MBD3: variants seen among roughly 807,000 people sequenced by gnomAD.
MBD3 encodes the protein methyl-CpG binding domain protein 3, also known as methyl-CpG-binding domain protein 3.
In MBD3, 13 loss-of-function variants were observed where a neutral mutation model predicts 31.2. That is an observed-to-expected ratio of 0.42 (90% confidence interval 0.27 to 0.66). The LOEUF (loss-of-function observed/expected upper bound fraction) is 0.66, where lower values mean the gene tolerates loss of function less well. MBD3 is among the 30% of genes least tolerant of loss of function. MBD3 has a pLI of 0.26. For synonymous variants in MBD3, 223 were observed against 187.4 expected (o/e 1.19, Z -1.55); for missense variants, 440 against 426.5 (o/e 1.03, Z -0.28).
chr19:1,576,412 T>C lies in MBD3; in HGVS notation c.*1752A>G, dbSNP rs1209332677. 2 of 152,074 alleles carry C rather than the reference T, an allele frequency of 1.3e-5. No individual in the cohort carries two copies. Among genetic ancestry groups the C allele is most frequent in the African/African-American group, 4.8e-5 (2 of 41,400 alleles). 9.4% of individuals were successfully genotyped at this position (152,074 alleles called of 1,614,324 possible). ...GCTGGGTCTGAGCCCCAGCCCATCT[T>C]CCTCACCGGGGCAGCAGGGCCAAGA... On this transcript the variant is annotated 3_prime_UTR_variant, in exon 7 of 7. Transcript: ENST00000434436.
rs902191272 is a variant in MBD3 at position 1,592,512 on chromosome 19, G to A, written c.110+10C>T. ...CGTTGAGGCCCTGCGCGGCCGGCGCGCTCATTCACCTATAGTAAAAGACAT... is the reference window on the plus strand; with the variant it reads ...CGTTGAGGCCCTGCGCGGCCGGCGCACTCATTCACCTATAGTAAAAGACAT... On this transcript the variant is annotated intron_variant, in intron 1 of 6. Transcript: ENST00000434436. 7.2e-6 allele frequency: 10 copies of A among 1,382,144 alleles called. No individual in the cohort carries two copies. The African/African-American group carries it at 1.5e-4, about 21-fold the overall frequency. The allele number at this position is 1,382,144 out of a possible 1,614,324, so 85.6% of individuals were successfully genotyped here. A position where few individuals can be genotyped will look rare whatever the true frequency, so the allele number is the denominator to read the frequency against.
intron 4 of MBD3, 31 bp from the exon 5 acceptor site, chr19:1,581,300 GGA>G: frequency 6.3e-7 from 1 of 1,597,258 alleles, no homozygotes; most frequent in Non-Finnish European, 8.5e-7. Flanking sequence ...AGCCGCAAGT[GGA>G]GAGGTCACCA....
chr19:1,586,933 C>T (rs11670112), intron 1 of MBD3, among the ~76,000 whole-genome samples: 27,427 of 151,130 alleles, frequency 0.18, 2,607 homozygotes, highest in Non-Finnish European at 0.2. Context: ...TCCCAAAGTG[C>T]TGGGATTACA....
Position 1,585,562 on chromosome 19 carries a change from A to G in MBD3, c.111-348T>C. 1 of 340,426 alleles carries G rather than the reference A, an allele frequency of 2.9e-6. No individual in the cohort carries two copies. The highest frequency in any genetic ancestry group is 5.6e-6 in the Non-Finnish European group (1 of 178,520). 21.1% of individuals were successfully genotyped at this position (340,426 alleles called of 1,614,324 possible). On this transcript the variant is annotated intron_variant, in intron 1 of 6. Coordinates refer to ENST00000434436, the MANE Select transcript of MBD3 (RefSeq NM_001281453.2). The surrounding 1 kb of genome is among the most constrained non-coding windows in gnomAD (Gnocchi z 4.1). ...GACCCCCAACCCCGGTCCCCTCTGA[A>G]TCCTCCCCACCGTAGGCCCTGGCAG...
At chr19:1,580,605 C>G (rs550982356) in intron 5 of MBD3, among the ~76,000 whole-genome samples, 2 of 152,262 alleles carry the variant, frequency 1.3e-5, no homozygotes, top group Admixed American at 6.5e-5. Context: ...GAAGTGGGTT[C>G]GGCCCTGAGG....
rs1359072618 is a variant in MBD3 at position 1,592,628 on chromosome 19, C to G, written c.4G>C (p.Glu2Gln). The change falls in exon 1 of 7, where the codon GAG becomes CAG. Residue 2 changes from glutamate (E) to glutamine (Q), a missense_variant. By Grantham distance (29) the Glu-to-Gln change is conservative. Transcript: ENST00000434436. The part of the protein sequence containing the change: M[E>Q]RKRWECPALP... ...GCCGGGCACTCCCACCTCTTCCGCT[C>G]CATTGCGCCCGGCTCCTCGGCCCGC... 2 of 1,309,102 alleles carry G rather than the reference C, an allele frequency of 1.5e-6. No homozygotes were observed. The highest frequency in any genetic ancestry group is 1.0e-6 in the Non-Finnish European group (1 of 999,540). 81.1% of individuals were successfully genotyped at this position (1,309,102 alleles called of 1,614,324 possible). A position where few individuals can be genotyped will look rare whatever the true frequency, so the allele number is the denominator to read the frequency against.
At chr19:1,586,816 G>A (rs549122659) in intron 1 of MBD3, among the ~76,000 whole-genome samples, 2 of 149,994 alleles carry the variant, frequency 1.3e-5, no homozygotes, top group East Asian at 2.0e-4. Flanking sequence ...ACAGGTGCCC[G>A]CCACCACACC....
intron 1 of MBD3, among the ~76,000 whole-genome samples, chr19:1,587,042 T>G (rs2060682609): frequency 6.6e-6 from 1 of 151,180 alleles, no homozygotes. Flanking sequence ...CTTGGCTCAC[T>G]GCAACCTCCG....
At chr19:1,581,984 A>G (rs138572615) in intron 4 of MBD3, among the ~76,000 whole-genome samples, 2,400 of 152,004 alleles carry the variant, frequency 0.016, 25 homozygotes, top group African/African-American at 0.033. Context: ...AGCCAGGATG[A>G]TCTCGATCTC....
chr19:1,584,968 G>C, intron 2 of MBD3, 87 bp downstream of exon 2: 2 of 1,557,352 alleles, frequency 1.3e-6, no homozygotes, highest in Non-Finnish European at 1.7e-6. Flanking sequence ...CAGGACGCCG[G>C]GCTGTGTCGC....
chr19:1,581,448 A>G, intron 4 of MBD3, 179 bp from the exon 5 acceptor site: 1 of 701,410 alleles, frequency 1.4e-6, no homozygotes, highest in East Asian at 2.7e-5. Flanking sequence ...ATAACAGAAA[A>G]AAAAGCAAGT....
Sources: allele counts gnomAD v4.1 joint callset (sites outside exome capture counted in the v4.1 genomes callset), GRCh38; gene constraint gnomAD v4.1.1; non-coding constraint Gnocchi (gnomAD v3.1); transcripts MANE v1.5; gene names NCBI Gene and HGNC (gene_info 2026-07-23, HGNC 2026-07-21).